ZNF263: variants seen among roughly 807,000 people sequenced by gnomAD.
ZNF263 encodes zinc finger protein 263.
In ZNF263, 49 loss-of-function variants were observed where a neutral mutation model predicts 63.1. The observed-to-expected ratio is 0.78, with a 90% CI of 0.62 to 0.99. The LOEUF (loss-of-function observed/expected upper bound fraction) is 0.99, where lower values mean the gene tolerates loss of function less well. Ranked by LOEUF, ZNF263 falls within the 50% of genes least tolerant of loss-of-function variation. The pLI is 0.00. For synonymous variants in ZNF263, 352 were observed against 324.2 expected (o/e 1.09, Z -0.92); for missense variants, 872 against 854.8 (o/e 1.02, Z -0.25).
Position 3,283,923 on chromosome 16 carries a change from G to A in ZNF263, c.105G>A (p.Pro35=), listed in dbSNP as rs372827855. 3.1e-6 allele frequency: 5 copies of A among 1,613,510 alleles called. No homozygotes were observed. The African/African-American group carries it at 5.3e-5, about 17-fold the overall frequency. The change falls in exon 1 of 6, where the codon CCG becomes CCA. Residue 35 remains proline, a synonymous_variant. Coordinates refer to ENST00000219069, the MANE Select transcript of ZNF263 (RefSeq NM_005741.5). ...SQELPPPDPG[P]SPEASHLRFR... ...AGCTGCCCCCACCTGACCCAGGACC[G>A]AGCCCCGAGGCCTCCCACTTGCGCT...
In ZNF263 at chr16:3,291,314, G is replaced by T; in HGVS notation, c.*756G>T. On this transcript the variant is annotated 3_prime_UTR_variant, in exon 6 of 6. Transcript: ENST00000219069. Reference sequence around the variant, plus strand: ...GAAAAATAAACAGCTCTGGAGTCTTGTTCCTGACTCCAGAGGAACGAGAGC... The same window carrying T: ...GAAAAATAAACAGCTCTGGAGTCTTTTTCCTGACTCCAGAGGAACGAGAGC... The T allele has an allele frequency of 1.0e-6, 1 of 985,444 alleles. No individual in the cohort carries two copies. The highest frequency in any genetic ancestry group is 1.2e-6 in the Non-Finnish European group (1 of 829,928). 61.0% of individuals were successfully genotyped at this position (985,444 alleles called of 1,614,324 possible).
Position 3,291,281 on chromosome 16 carries a change from C to T in ZNF263, c.*723C>T, listed in dbSNP as rs2150774983. On this transcript the variant is annotated 3_prime_UTR_variant, in exon 6 of 6. Transcript: ENST00000219069. ...TTGTGGAGAATGAGATTCCCCCCAC[C>T]TGTGTGAGAAAAATAAACAGCTCTG... The T allele has an allele frequency of 1.0e-6, 1 of 985,370 alleles. No individual in the cohort carries two copies. Among genetic ancestry groups the T allele is most frequent in the Admixed American group, 6.1e-5 (1 of 16,272 alleles). The allele number at this position is 985,370 out of a possible 1,614,324, so 61.0% of individuals were successfully genotyped here. A position where few individuals can be genotyped will look rare whatever the true frequency, so the allele number is the denominator to read the frequency against.
rs202011828 is a variant in ZNF263, at chr16:3,290,298, A to G, written c.1792A>G (p.Thr598Ala). 14 of 1,614,096 alleles carry G rather than the reference A, an allele frequency of 8.7e-6. No homozygotes were observed. In the South Asian group the frequency reaches 1.4e-4, roughly 16 times the overall value. Residue 598 changes from threonine to alanine, a missense_variant, in exon 6 of 6, where the codon ACA (threonine) becomes GCA (alanine). Transcript: ENST00000219069. ...CCTCACCAGACATCAGAGAACACAC[A>G]CAGGAGAGAAACCGTATAAATGTAC... is the stretch of plus-strand genomic sequence containing the variant. Reference protein sequence around the residue: ...MHLTRHQRTHTGEKPYKCTLC... With the variant: ...MHLTRHQRTHAGEKPYKCTLC...
chr16:3,285,273 G>A (rs751535783), intron 2 of ZNF263, 34 bp downstream of exon 2: 37 of 1,585,096 alleles, frequency 2.3e-5, no homozygotes, highest in Non-Finnish European at 2.9e-5. Context: ...GTGGGAGGGA[G>A]GAGGGGCTTG....
chr16:3,298,454 T>C (rs908663851), intron 1 of ZNF263, among the ~76,000 whole-genome samples: 1 of 152,256 alleles, frequency 6.6e-6, no homozygotes, highest in Non-Finnish European at 1.5e-5. Flanking sequence ...ATATATGGTA[T>C]ACACCGAAGT....
chr16:3,299,839 C>G (rs1279322259), intron 2 of ZNF263: 2 of 1,592,140 alleles, frequency 1.3e-6, no homozygotes, highest in Non-Finnish European at 8.5e-7. Flanking sequence ...AAACAATTCT[C>G]TGGTGAACCA....
At chr16:3,300,083 C>A in intron 2 of ZNF263, 1 of 1,614,170 alleles carries the variant, frequency 6.2e-7, no homozygotes, top group African/African-American at 1.3e-5. Context: ...TCTGTTTCAT[C>A]CCCACTGTAT....
At chr16:3,295,411 G>C (rs1173741980), downstream of ZNF263, among the ~76,000 whole-genome samples, 1 of 152,142 alleles carries the variant, frequency 6.6e-6, no homozygotes, top group Non-Finnish European at 1.5e-5. Flanking sequence ...CAGCGTTCCC[G>C]CCCGGGCGGT....
At chr16:3,291,550 A>C, downstream of ZNF263, 1 of 956,618 alleles carries the variant, frequency 1.0e-6, no homozygotes, top group Non-Finnish European at 1.2e-6. Flanking sequence ...CTGCTTTCTC[A>C]TAGACTTACT....
At chr16:3,300,022 A>C in intron 2 of ZNF263, 1 of 1,614,184 alleles carries the variant, frequency 6.2e-7, no homozygotes. Context: ...TGGTAGGCAG[A>C]TATCTTTCCT....
downstream of ZNF263, among the ~76,000 whole-genome samples, chr16:3,295,297 C>G (rs1346856751): frequency 6.6e-6 from 1 of 152,188 alleles, no homozygotes; most frequent in Non-Finnish European, 1.5e-5. Context: ...TTTCCCTGCC[C>G]TCTGGCCGGT....
intron 2 of ZNF263, chr16:3,299,560 A>T (rs2150779143): frequency 6.5e-7 from 1 of 1,532,926 alleles, no homozygotes; most frequent in South Asian, 1.3e-5. Context: ...TTCAAATATT[A>T]CAAGACTCTC....
downstream of ZNF263, among the ~76,000 whole-genome samples, chr16:3,291,648 G>A (rs1357847839): frequency 6.6e-6 from 1 of 152,224 alleles, no homozygotes; most frequent in East Asian, 1.9e-4. Context: ...GGACTGCCAT[G>A]TGGTAACAAA....
In ZNF263 at chr16:3,290,152, C is replaced by G. The variant is rs748715975; in HGVS notation, c.1646C>G (p.Ser549Cys). The change falls in exon 6 of 6, where the codon TCT becomes TGT. Residue 549 changes from serine to cysteine, a missense_variant. Physicochemically the swap from Ser to Cys is moderately radical, Grantham distance 112. Coordinates refer to ENST00000219069, the MANE Select transcript of ZNF263 (RefSeq NM_005741.5). ...GAGAGAGAGAGACTTTACCCCTTCT[C>G]TGAGTGTGGGGAAGCTGTGAGTGAC... ...THERERLYPF[S>C]ECGEAVSDST... 7 of 1,614,060 alleles carry G rather than the reference C, an allele frequency of 4.3e-6. No homozygotes were observed. The South Asian group carries it at 7.7e-5, about 18-fold the overall frequency.
In ZNF263 at chr16:3,289,987, A is replaced by C; in HGVS notation, c.1481A>C (p.Glu494Ala). The C allele has an allele frequency of 6.2e-7, 1 of 1,614,144 alleles. No individual in the cohort carries two copies. The highest frequency in any genetic ancestry group is 8.5e-7 in the Non-Finnish European group (1 of 1,180,024). The part of the protein sequence containing the change: ...HTGEKPYKCP[E>A]CGEIFAHSSN... ...GGGGAGAAGCCCTACAAGTGCCCTG[A>C]GTGTGGGGAGATCTTTGCTCACAGT... The change falls in exon 6 of 6, where the codon GAG becomes GCG. Residue 494 changes from glutamate (E) to alanine (A), a missense_variant. Glu to Ala is a moderately radical substitution (Grantham distance 107, BLOSUM62 -1). Transcript: ENST00000219069.
rs1480435609 is a variant in ZNF263 at position 3,290,626 on chromosome 16, G to C, written c.*68G>C. On this transcript the variant is annotated 3_prime_UTR_variant, in exon 6 of 6. Transcript: ENST00000219069. The stretch of plus-strand genomic sequence containing the variant: ...CAGAGGAGCCTGTTGGCAAGAGCTG[G>C]TATTCCCTGCCCAGCCGACCAAATG... The C allele has an allele frequency of 9.2e-6, 14 of 1,520,228 alleles. No individual in the cohort carries two copies. The highest frequency in any genetic ancestry group is 1.2e-5 in the Non-Finnish European group (14 of 1,141,964). The allele number at this position is 1,520,228 out of a possible 1,614,324, so 94.2% of individuals were successfully genotyped here.
At chr16:3,297,702 G>C (rs757838645) in intron 1 of ZNF263, among the ~76,000 whole-genome samples, 13 of 151,658 alleles carry the variant, frequency 8.6e-5, no homozygotes, top group African/African-American at 3.1e-4. Flanking sequence ...CTGACCTCGT[G>C]ATCTGCCCTC....
At chr16:3,291,646 A>G (rs1300627730), downstream of ZNF263, among the ~76,000 whole-genome samples, 1 of 152,218 alleles carries the variant, frequency 6.6e-6, no homozygotes. Flanking sequence ...TGGGACTGCC[A>G]TGTGGTAACA....
chr16:3,288,631 A>G, intron 5 of ZNF263, 61 bp downstream of exon 5: 1 of 1,341,128 alleles, frequency 7.5e-7, no homozygotes, highest in Admixed American at 2.2e-5. Flanking sequence ...GTTAAGAGTG[A>G]GGCATTTTTT....
Sources: allele counts gnomAD v4.1 joint callset (sites outside exome capture counted in the v4.1 genomes callset), GRCh38; gene constraint gnomAD v4.1.1; transcripts MANE v1.5; gene names NCBI Gene and HGNC (gene_info 2026-07-23, HGNC 2026-07-21).